The following GALNT10 variants were observed in gnomAD, a reference collection of about 807,000 sequenced individuals.
GALNT10 encodes the protein polypeptide N-acetylgalactosaminyltransferase 10, also known as GalNAc transferase 10.
Under a neutral mutation model 75.0 loss-of-function variants are expected in GALNT10, and 41 were observed. The ratio of observed to expected loss-of-function variants is 0.55; its 90% CI spans 0.43 to 0.71. The LOEUF (loss-of-function observed/expected upper bound fraction) is 0.71. Ranked by LOEUF, GALNT10 falls within the 30% of genes least tolerant of loss-of-function variation. The pLI, the probability that GALNT10 is intolerant of heterozygous loss-of-function variation, is 0.00. For synonymous variants in GALNT10, 302 were observed against 313.0 expected (o/e 0.96, Z 0.37); for missense variants, 727 against 818.5 (o/e 0.89, Z 1.36).
intron 4 of GALNT10, chr5:154,356,179 C>T (rs1358884841): frequency 6.6e-6 from 3 of 456,218 alleles, no homozygotes; most frequent in Non-Finnish European, 1.3e-5. Flanking sequence ...AACTCCCTCT[C>T]CCTTTGTGTG....
chr5:154,320,480 C>T lies in GALNT10; in HGVS notation c.402-9092C>T, dbSNP rs1008946091. Among the ~76,000 whole-genome samples the T allele has an allele frequency of 9.9e-5, 15 of 152,148 alleles. 1 individual carries two copies. Among genetic ancestry groups the T allele is most frequent in the Admixed American group, 7.2e-4 (11 of 15,272 alleles). ...ATTTATTATAGCTAACACCCCACCC[C>T]GCCCCCAACCCTGCTTCAATCAAGC... is the stretch of plus-strand genomic sequence containing the variant. On this transcript the variant is annotated intron_variant, in intron 3 of 11. Transcript: ENST00000297107.
chr5:154,299,721 T>C (rs1754333224), intron 3 of GALNT10, among the ~76,000 whole-genome samples: 1 of 152,244 alleles, frequency 6.6e-6, no homozygotes, highest in Non-Finnish European at 1.5e-5. Context: ...CACCTAGGAT[T>C]GGGCCCTTTT....
At chr5:154,217,415 A>T (rs987309542) in intron 1 of GALNT10, among the ~76,000 whole-genome samples, 4 of 152,100 alleles carry the variant, frequency 2.6e-5, no homozygotes, top group Admixed American at 2.0e-4. Flanking sequence ...GTGAGGGGCA[A>T]GGGAGACAGT....
chr5:154,395,503 C>T (rs921905730), intron 7 of GALNT10, among the ~76,000 whole-genome samples: 4 of 152,162 alleles, frequency 2.6e-5, no homozygotes, highest in East Asian at 3.9e-4. Context: ...AATAAATGTT[C>T]GCTAAATGAT....
chr5:154,216,554 C>A (rs949187332), intron 1 of GALNT10, among the ~76,000 whole-genome samples: 1 of 152,134 alleles, frequency 6.6e-6, no homozygotes, highest in African/African-American at 2.4e-5. Flanking sequence ...ATCAGAACAA[C>A]CTCATTGTCC....
At chr5:154,324,732 G>T (rs373351908) in intron 3 of GALNT10, among the ~76,000 whole-genome samples, 10 of 152,144 alleles carry the variant, frequency 6.6e-5, no homozygotes, top group African/African-American at 2.4e-4. Flanking sequence ...CAGAGAATCC[G>T]CATTTCTAAC....
chr5:154,263,211 G>A (rs572162604), intron 1 of GALNT10, among the ~76,000 whole-genome samples: 1 of 152,158 alleles, frequency 6.6e-6, no homozygotes, highest in South Asian at 2.1e-4. Flanking sequence ...GTTTATAGCA[G>A]CATTATTTAT....
intron 4 of GALNT10, among the ~76,000 whole-genome samples, chr5:154,345,947 A>ATT (rs70978537): frequency 7.6e-5 from 5 of 65,420 alleles, no homozygotes; most frequent in East Asian, 4.2e-4. Flanking sequence ...CACCCGCCTA[A>ATT]TTTTTTTTTT....
intron 3 of GALNT10, among the ~76,000 whole-genome samples, chr5:154,301,897 C>A (rs1408129647): frequency 1.3e-5 from 2 of 152,128 alleles, no homozygotes; most frequent in African/African-American, 4.8e-5. Context: ...ACCTCTGTCA[C>A]CAGCCCACCC....
chr5:154,242,189 C>A (rs1308278057), intron 1 of GALNT10, among the ~76,000 whole-genome samples: 1 of 152,188 alleles, frequency 6.6e-6, no homozygotes, highest in Admixed American at 6.5e-5. Context: ...AGTCTTGATT[C>A]TACTCCACTC....
In GALNT10 at chr5:154,324,907, G is replaced by A. The variant is rs116764515; in HGVS notation, c.402-4665G>A. Among the ~76,000 whole-genome samples the A allele has an allele frequency of 9.0e-3, 1,361 of 152,062 alleles. 28 individuals carry two copies. The highest frequency in any genetic ancestry group is 0.031 in the African/African-American group (1,285 of 41,478). On this transcript the variant is annotated intron_variant, in intron 3 of 11. Coordinates refer to ENST00000297107, the MANE Select transcript of GALNT10 (RefSeq NM_198321.4). ...TAAAATGTTGTGGTGTGACCAAATC[G>A]ACTTGCTTAGAAAGAAAAAATGCAA...
intron 1 of GALNT10, among the ~76,000 whole-genome samples, chr5:154,268,910 A>G (rs10051799): frequency 0.24 from 36,574 of 151,280 alleles, 5,382 homozygotes; most frequent in African/African-American, 0.42. Context: ...GCCAAGGCGA[A>G]AGGATTGCTT....
rs114956255 is a variant in GALNT10, at chr5:154,332,608, G to A, written c.568+2870G>A. 8.6e-3 allele frequency among the ~76,000 whole-genome samples: 1,315 copies of A among 152,304 alleles called. 20 individuals carry two copies. Among genetic ancestry groups the A allele is most frequent in the African/African-American group, 0.031 (1,284 of 41,556 alleles). ...CCCCCACTAGACCACTTGTGGTCTGGAAGGAGGTGATTAGTAAATGTTTGT... is the reference window on the plus strand; with the variant it reads ...CCCCCACTAGACCACTTGTGGTCTGAAAGGAGGTGATTAGTAAATGTTTGT... On this transcript the variant is annotated intron_variant, in intron 4 of 11. Coordinates refer to ENST00000297107, the MANE Select transcript of GALNT10 (RefSeq NM_198321.4).
rs1756193891 is a variant in GALNT10, at chr5:154,402,725, C to G, written c.1057-1379C>G. On this transcript the variant is annotated intron_variant, in intron 7 of 11. Coordinates refer to ENST00000297107, the MANE Select transcript of GALNT10 (RefSeq NM_198321.4). The surrounding 1 kb of genome is among the most constrained non-coding windows in gnomAD (Gnocchi z 4.2). Reference sequence around the variant, plus strand: ...CTCTGCTTCTTGGTGGCTCACTGACCTGGCTGGCAAATTAGTGCTGTGGGC... The same window carrying G: ...CTCTGCTTCTTGGTGGCTCACTGACGTGGCTGGCAAATTAGTGCTGTGGGC... The G allele has an allele frequency of 6.6e-6, 1 of 152,284 alleles. No individual in the cohort carries two copies. The highest frequency in any genetic ancestry group is 1.5e-5 in the Non-Finnish European group (1 of 68,102). 9.4% of individuals were successfully genotyped at this position (152,284 alleles called of 1,614,324 possible).
Position 154,240,584 on chromosome 5 carries a change from A to C in GALNT10, c.159+49559A>C, listed in dbSNP as rs534702423. 4.3e-4 allele frequency among the ~76,000 whole-genome samples: 65 copies of C among 152,356 alleles called. 1 individual carries two copies. The South Asian group carries it at 0.012, about 27-fold the overall frequency. On this transcript the variant is annotated intron_variant, in intron 1 of 11. Transcript: ENST00000297107. ...GGTTAAGAGGGTGAACTTTCCTAGC[A>C]GACAAGATGGATGTGTACTCAACAC...
intron 4 of GALNT10, chr5:154,337,899 A>C (rs1024008894): frequency 3.3e-5 from 44 of 1,335,684 alleles, no homozygotes; most frequent in Admixed American, 5.0e-5. Context: ...GGCTTTCCTA[A>C]CTTTACATTT....
At position 154,293,613 on chromosome 5, in the gene GALNT10, ATT is replaced by A. The variant is rs1201863629; in HGVS notation, c.160-1194_160-1193del. On this transcript the variant is annotated intron_variant, in intron 1 of 11. Transcript: ENST00000297107. ...GGGGCTGATATATATATATATATAT[ATT>A]TTTTTTTTCCTTTCAGCCATTCAAT... is the stretch of plus-strand genomic sequence containing the variant. Among the ~76,000 whole-genome samples, 64 of 109,252 alleles carry A rather than the reference ATT, an allele frequency of 5.9e-4. 2 individuals carry two copies. The highest frequency in any genetic ancestry group is 1.3e-3 in the Admixed American group (17 of 12,642). 71.7% of individuals were successfully genotyped at this position (109,252 alleles called of 152,430 possible).
chr5:154,212,349 T>G (rs1432344124), intron 1 of GALNT10, among the ~76,000 whole-genome samples: 1 of 152,254 alleles, frequency 6.6e-6, no homozygotes. Context: ...CATTTGAACA[T>G]TTCTACCATG....
chr5:154,293,613 A>ATTTTTTTTTTT (rs1201863629), intron 1 of GALNT10, among the ~76,000 whole-genome samples: 4 of 109,346 alleles, frequency 3.7e-5, no homozygotes, highest in African/African-American at 1.7e-4. Context: ...ATATATATAT[A>ATTTTTTTTTTT]TTTTTTTTTT....
Sources: gnomAD v4.1 joint callset for allele counts (sites outside exome capture counted in the v4.1 genomes callset) on GRCh38, gnomAD v4.1.1 for gene constraint, Gnocchi (gnomAD v3.1) non-coding constraint, MANE v1.5 for transcripts, NCBI Gene and HGNC (gene_info 2026-07-23, HGNC 2026-07-21) for gene names.